Variants in FGF14 observed in about 807,000 individuals in gnomAD.
FGF14 encodes the protein fibroblast growth factor homologous factor 4.
In FGF14, 5 loss-of-function variants were observed where a neutral mutation model predicts 25.5. The observed-to-expected ratio is 0.20, with a 90% CI of 0.10 to 0.41. FGF14 has a LOEUF of 0.41. Ranked by LOEUF, FGF14 falls within the 10% of genes least tolerant of loss-of-function variation. FGF14 has a pLI of 1.00. For synonymous variants in FGF14, 138 were observed against 118.3 expected (o/e 1.17, Z -1.08); for missense variants, 222 against 320.1 (o/e 0.69, Z 2.34).
chr13:102,329,597 C>T (rs2056571694), intron 1 of FGF14, among the ~76,000 whole-genome samples: 1 of 152,148 alleles, frequency 6.6e-6, no homozygotes, highest in Admixed American at 6.6e-5. Flanking sequence ...TTGGTGATTT[C>T]CCTTTCCAGT....
chr13:101,761,574 A>G (rs919980049), intron 3 of FGF14, among the ~76,000 whole-genome samples: 1 of 152,156 alleles, frequency 6.6e-6, no homozygotes. Flanking sequence ...AGTTAGCAGC[A>G]ATGACTATAG....
intron 1 of FGF14, among the ~76,000 whole-genome samples, chr13:102,096,060 C>G (rs2044385231): frequency 6.7e-6 from 1 of 149,270 alleles, no homozygotes; most frequent in African/African-American, 2.5e-5. Context: ...TGTTTTGTAT[C>G]TTATTCAAAG....
At chr13:102,223,012 C>T (rs1045912648) in intron 1 of FGF14, among the ~76,000 whole-genome samples, 6 of 152,150 alleles carry the variant, frequency 3.9e-5, no homozygotes, top group African/African-American at 1.4e-4. Context: ...CATCATCTAT[C>T]GGGATGCTAT....
chr13:102,071,338 A>G (rs1393796619), intron 1 of FGF14, among the ~76,000 whole-genome samples: 1 of 152,236 alleles, frequency 6.6e-6, no homozygotes, highest in African/African-American at 2.4e-5. Context: ...TATAAATCAC[A>G]GTAAAATGTG....
chr13:102,130,564 C>T (rs1030482771), intron 1 of FGF14, among the ~76,000 whole-genome samples: 2 of 152,246 alleles, frequency 1.3e-5, no homozygotes, highest in South Asian at 2.1e-4. Flanking sequence ...CAAATTAATA[C>T]CCCCTTTGTC....
intron 1 of FGF14, among the ~76,000 whole-genome samples, chr13:102,116,731 G>C (rs1417416029): frequency 6.6e-6 from 1 of 152,184 alleles, no homozygotes; most frequent in Non-Finnish European, 1.5e-5. Context: ...AAAAGTTTTA[G>C]AAACACATAG....
At chr13:101,991,450 G>A (rs1275830792) in intron 1 of FGF14, among the ~76,000 whole-genome samples, 1 of 152,098 alleles carries the variant, frequency 6.6e-6, no homozygotes, top group Non-Finnish European at 1.5e-5. Flanking sequence ...TGTAGCCTAT[G>A]ATTAGTTCCT....
intron 1 of FGF14, among the ~76,000 whole-genome samples, chr13:102,258,048 G>A: frequency 6.6e-6 from 1 of 152,174 alleles, no homozygotes; most frequent in Non-Finnish European, 1.5e-5. Context: ...GGTGGAAGGT[G>A]AAAGGCATGT....
At chr13:101,762,570 T>G (rs958007399) in intron 3 of FGF14, among the ~76,000 whole-genome samples, 2 of 152,244 alleles carry the variant, frequency 1.3e-5, no homozygotes, top group Non-Finnish European at 2.9e-5. Context: ...TCAGTTGTTG[T>G]TGGTCTGAGT....
intron 3 of FGF14, among the ~76,000 whole-genome samples, chr13:101,832,207 G>A (rs1166601504): frequency 6.6e-6 from 1 of 151,956 alleles, no homozygotes; most frequent in East Asian, 1.9e-4. Context: ...AAGGGATGCT[G>A]GAAACCACCG....
chr13:101,918,390 C>G (rs1241187025), upstream of FGF14, among the ~76,000 whole-genome samples: 3 of 152,160 alleles, frequency 2.0e-5, no homozygotes, highest in Non-Finnish European at 4.4e-5. Flanking sequence ...AAGAAATGCT[C>G]GAACTAGACT....
At chr13:102,310,696 T>TGTGGGGG (rs1269681335) in intron 1 of FGF14, among the ~76,000 whole-genome samples, 2 of 3,478 alleles carry the variant, frequency 5.8e-4, no homozygotes, top group Non-Finnish European at 1.0e-3. Flanking sequence ...TGTGTGTGTG[T>TGTGGGGG]GGGGGGGGGG....
chr13:102,350,095 A>T (rs975374290), intron 1 of FGF14, among the ~76,000 whole-genome samples: 1 of 152,224 alleles, frequency 6.6e-6, no homozygotes, highest in African/African-American at 2.4e-5. Context: ...ATAAATTAAC[A>T]CACATTTACC....
chr13:102,065,912 A>T (rs1475191981), intron 1 of FGF14, among the ~76,000 whole-genome samples: 1 of 152,106 alleles, frequency 6.6e-6, no homozygotes, highest in African/African-American at 2.4e-5. Context: ...TAATCATTTT[A>T]AAAATCATTA....
At chr13:101,891,693 C>A (rs1179162443) in intron 1 of FGF14, among the ~76,000 whole-genome samples, 1 of 151,896 alleles carries the variant, frequency 6.6e-6, no homozygotes. Flanking sequence ...TATATACATA[C>A]ATACATATAC....
intron 1 of FGF14, among the ~76,000 whole-genome samples, chr13:102,151,600 G>C (rs1196347804): frequency 6.6e-6 from 1 of 152,164 alleles, no homozygotes; most frequent in African/African-American, 2.4e-5. Context: ...CTGGGTTCAA[G>C]TGATTGTCCT....
At chr13:101,968,895 GA>G (rs1333358796) in intron 1 of FGF14, among the ~76,000 whole-genome samples, 1 of 137,882 alleles carries the variant, frequency 7.3e-6, no homozygotes, top group Non-Finnish European at 1.5e-5. Flanking sequence ...TGTTTGAGTT[GA>G]AAAAAGCTGG....
intron 3 of FGF14, among the ~76,000 whole-genome samples, chr13:101,745,034 C>A (rs935888510): frequency 6.6e-6 from 1 of 151,994 alleles, no homozygotes; most frequent in Admixed American, 6.6e-5. Flanking sequence ...TCATATGCCG[C>A]TCCTGATTCT....
intron 1 of FGF14, among the ~76,000 whole-genome samples, chr13:101,993,087 A>C: frequency 6.6e-6 from 1 of 151,924 alleles, no homozygotes; most frequent in South Asian, 2.1e-4. Flanking sequence ...CACAGTGGGG[A>C]AAAACCTTAC....
Sources: gnomAD v4.1 joint callset for allele counts (sites outside exome capture counted in the v4.1 genomes callset) on GRCh38, gnomAD v4.1.1 for gene constraint, MANE v1.5 for transcripts, NCBI Gene and HGNC (gene_info 2026-07-23, HGNC 2026-07-21) for gene names.